ZFYVE28: variants seen among roughly 807,000 people sequenced by gnomAD.
ZFYVE28 encodes the protein lateral signaling target protein 2 homolog.
A neutral mutation model predicts 82.1 loss-of-function variants in ZFYVE28; 40 were observed. The ratio of observed to expected loss-of-function variants is 0.49; its 90% confidence interval spans 0.38 to 0.63. The LOEUF is 0.63. Ranked by LOEUF, ZFYVE28 falls within the 30% of genes least tolerant of loss-of-function variation. The pLI is 0.00. For synonymous variants in ZFYVE28, 612 were observed against 546.1 expected (o/e 1.12, Z -1.68); for missense variants, 1,321 against 1,242.1 (o/e 1.06, Z -0.96).
At chr4:2,330,550 G>C in intron 6 of ZFYVE28, 1 of 1,175,746 alleles carries the variant, frequency 8.5e-7, no homozygotes, top group Non-Finnish European at 1.1e-6. Flanking sequence ...GCATGGAGGA[G>C]GGGACAGCAT....
chr4:2,393,704 GC>G (rs1384883952), intron 1 of ZFYVE28, among the ~76,000 whole-genome samples: 1 of 152,144 alleles, frequency 6.6e-6, no homozygotes, highest in Admixed American at 6.5e-5. Context: ...TGAGACTCCC[GC>G]CGGCCCCTTG....
intron 1 of ZFYVE28, among the ~76,000 whole-genome samples, chr4:2,358,202 G>C (rs148647810): frequency 0.011 from 1,622 of 152,316 alleles, 17 homozygotes; most frequent in Non-Finnish European, 0.014. Context: ...GGCTGTGTGC[G>C]TGTGAATCTG....
In ZFYVE28 at chr4:2,304,330, G is replaced by C. The variant is rs768638735; in HGVS notation, c.2010C>G (p.Ser670Arg). The change falls in exon 8 of 13, where the codon AGC becomes AGG. Residue 670 changes from serine (S) to arginine (R), a missense_variant. Physicochemically the swap from Ser to Arg is moderately radical, Grantham distance 110. Transcript: ENST00000290974. ...CCTGAGGCGCCTCGTGAGCCGAGGG[G>C]CTCCCAGCATGCAGCTCTCTGGCCT... ...EPEARELHAG[S>R]PSAHEAPQAL... 1 of 1,603,610 alleles carries C rather than the reference G, an allele frequency of 6.2e-7. No homozygotes were observed. The highest frequency in any genetic ancestry group is 8.5e-7 in the Non-Finnish European group (1 of 1,178,642).
chr4:2,331,094 G>T (rs1720618337), intron 6 of ZFYVE28: 3 of 628,010 alleles, frequency 4.8e-6, no homozygotes, highest in Non-Finnish European at 6.7e-6. Flanking sequence ...CTGGAAGGAG[G>T]GGGCTGGGGA....
At chr4:2,316,335 TA>T (rs1464391986) in intron 7 of ZFYVE28, 1 of 152,358 alleles carries the variant, frequency 6.6e-6, no homozygotes, top group East Asian at 1.9e-4. Context: ...CACCACTCCT[TA>T]AGCAACCTGG....
intron 8 of ZFYVE28, among the ~76,000 whole-genome samples, chr4:2,291,699 C>G (rs1713731044): frequency 6.6e-6 from 1 of 152,186 alleles, no homozygotes; most frequent in Admixed American, 6.5e-5. Flanking sequence ...TGGACTCTGC[C>G]CAGCTCCTTC....
intron 1 of ZFYVE28, among the ~76,000 whole-genome samples, chr4:2,373,192 T>A (rs1727754135): frequency 6.6e-6 from 1 of 152,220 alleles, no homozygotes; most frequent in African/African-American, 2.4e-5. Flanking sequence ...GACTTTTAAA[T>A]AATTTTTTAT....
At chr4:2,278,006 C>G (rs143496772) in intron 8 of ZFYVE28, among the ~76,000 whole-genome samples, 1 of 151,970 alleles carries the variant, frequency 6.6e-6, no homozygotes, top group African/African-American at 2.4e-5. Flanking sequence ...ACCGAGAGTC[C>G]GCAAAGAAAC....
Position 2,341,193 on chromosome 4 carries a change from C to T in ZFYVE28, c.318+285G>A, listed in dbSNP as rs1402557652. The T allele has an allele frequency of 4.0e-6, 2 of 500,838 alleles. No homozygotes were observed. The highest frequency in any genetic ancestry group is 3.4e-5 in the Admixed American group (1 of 29,324). The allele number at this position is 500,838 out of a possible 1,614,324, so 31.0% of individuals were successfully genotyped here. ...TGGGCATTACTGCCATTAAAAACCA[C>T]TTTTAGGTCCTGGCTGTCTGGGGGC... On this transcript the variant is annotated intron_variant, in intron 3 of 12. Transcript: ENST00000290974. The surrounding 1 kb of genome is among the most constrained non-coding windows in gnomAD (Gnocchi z 4.5).
At chr4:2,405,335 C>T (rs984107104) in intron 1 of ZFYVE28, among the ~76,000 whole-genome samples, 1 of 152,240 alleles carries the variant, frequency 6.6e-6, no homozygotes, top group Non-Finnish European at 1.5e-5. Context: ...CACCCACAGT[C>T]CTTGGCCTTT....
rs954571627 is a variant in ZFYVE28 at position 2,337,657 on chromosome 4, G to C, written c.522-161C>G. Among the ~76,000 whole-genome samples the C allele has an allele frequency of 3.3e-5, 5 of 152,096 alleles. No individual in the cohort carries two copies. In the East Asian group the frequency reaches 7.7e-4, roughly 23 times the overall value. On this transcript the variant is annotated intron_variant, in intron 4 of 12. Transcript: ENST00000290974. ...AGCACGTTGGGAGTCTGAGGTGGGAGGATGGCTTGAGCCCAGGAGTTCGAG... is the reference window on the plus strand; with the variant it reads ...AGCACGTTGGGAGTCTGAGGTGGGACGATGGCTTGAGCCCAGGAGTTCGAG...
At chr4:2,386,389 G>A (rs1351811996) in intron 1 of ZFYVE28, among the ~76,000 whole-genome samples, 1 of 152,224 alleles carries the variant, frequency 6.6e-6, no homozygotes, top group Non-Finnish European at 1.5e-5. Flanking sequence ...GGAGGCTGAG[G>A]CAGGAGAATG....
intron 6 of ZFYVE28, among the ~76,000 whole-genome samples, chr4:2,329,472 G>T (rs915468983): frequency 2.6e-5 from 4 of 152,126 alleles, no homozygotes; most frequent in African/African-American, 9.7e-5. Flanking sequence ...GCTACAACAT[G>T]GGGGAAACTT....
At position 2,330,693 on chromosome 4, in the gene ZFYVE28, C is replaced by T. The variant is rs1578118366; in HGVS notation, c.701+5012G>A. 12 of 1,444,636 alleles carry T rather than the reference C, an allele frequency of 8.3e-6. No homozygotes were observed. In the South Asian group the frequency reaches 9.9e-5, roughly 12 times the overall value. 89.5% of individuals were successfully genotyped at this position (1,444,636 alleles called of 1,614,324 possible). A position where few individuals can be genotyped will look rare whatever the true frequency, so the allele number is the denominator to read the frequency against. ...AGAGGACAGCATGGCCAAGAGGACA[C>T]TGGAGCAGAGGGGACAGCGTGGAGG... On this transcript the variant is annotated intron_variant, in intron 6 of 12. Transcript: ENST00000290974.
chr4:2,353,624 G>A (rs1161236787), intron 2 of ZFYVE28, among the ~76,000 whole-genome samples: 1 of 152,082 alleles, frequency 6.6e-6, no homozygotes, highest in Admixed American at 6.6e-5. Context: ...CAGCACCTGG[G>A]CAGGCCCACC....
Position 2,320,514 on chromosome 4 carries a change from G to A in ZFYVE28, c.702-243C>T, listed in dbSNP as rs139912649. 1.1e-4 allele frequency among the ~76,000 whole-genome samples: 17 copies of A among 152,350 alleles called. No individual in the cohort carries two copies. In the East Asian group the frequency reaches 2.5e-3, roughly 22 times the overall value. On this transcript the variant is annotated intron_variant, in intron 6 of 12. Coordinates refer to ENST00000290974, the MANE Select transcript of ZFYVE28 (RefSeq NM_020972.3). The surrounding 1 kb of genome is among the most constrained non-coding windows in gnomAD (Gnocchi z 5.1). ...TGCAGTTGATTAGCTTGTGTTCATTGGAGGGGTCATAAAGTAATCAGAAAA... is the reference window on the plus strand; with the variant it reads ...TGCAGTTGATTAGCTTGTGTTCATTAGAGGGGTCATAAAGTAATCAGAAAA...
At chr4:2,374,465 T>C (rs922575289) in intron 1 of ZFYVE28, among the ~76,000 whole-genome samples, 8 of 151,894 alleles carry the variant, frequency 5.3e-5, no homozygotes, top group African/African-American at 1.9e-4. Context: ...AAACAAAAAT[T>C]AGCTGGATGT....
chr4:2,308,635 A>AAGAAAGAAAGAC (rs1716963898), intron 7 of ZFYVE28, among the ~76,000 whole-genome samples: 1 of 118,018 alleles, frequency 8.5e-6, no homozygotes, highest in African/African-American at 3.4e-5. Flanking sequence ...GACAGAAAGA[A>AAGAAAGAAAGAC]AGAAAGAAAG....
chr4:2,283,204 GCATC>G (rs144726826), intron 8 of ZFYVE28, among the ~76,000 whole-genome samples: 1,317 of 129,850 alleles, frequency 0.01, 22 homozygotes, highest in African/African-American at 0.037. Flanking sequence ...ACCAATCCAT[GCATC>G]CATCCATCCA....
Sources: gnomAD v4.1 joint callset for allele counts (sites outside exome capture counted in the v4.1 genomes callset) on GRCh38, gnomAD v4.1.1 for gene constraint, Gnocchi (gnomAD v3.1) non-coding constraint, MANE v1.5 for transcripts, NCBI Gene and HGNC (gene_info 2026-07-23, HGNC 2026-07-21) for gene names.